Variants in R3HDM2 observed in about 807,000 individuals in gnomAD.
R3HDM2 encodes the protein R3H domain containing 2, also known as R3H domain-containing protein 2.
R3HDM2 carries 38 observed loss-of-function variants against 124.5 expected under a neutral mutation model. That is an observed-to-expected ratio of 0.31 (90% CI 0.24 to 0.40). The LOEUF is 0.40. Among genes scored for constraint, R3HDM2 ranks in the 10% least tolerant of loss-of-function variants. The pLI is 1.00. For synonymous variants in R3HDM2, 391 were observed against 448.0 expected (o/e 0.87, Z 1.61); for missense variants, 869 against 1,236.9 (o/e 0.70, Z 4.46).
intron 2 of R3HDM2, among the ~76,000 whole-genome samples, chr12:57,344,080 T>C (rs1726499315): frequency 6.6e-6 from 1 of 152,216 alleles, no homozygotes; most frequent in Non-Finnish European, 1.5e-5. Context: ...CATGCATATA[T>C]GTGCATATAA....
chr12:57,351,294 G>GAAAAAAGAGATGA (rs2060651146), intron 2 of R3HDM2, among the ~76,000 whole-genome samples: 1 of 152,006 alleles, frequency 6.6e-6, no homozygotes, highest in Non-Finnish European at 1.5e-5. Flanking sequence ...TCTAAAGAAT[G>GAAAAAAGAGATGA]AAAAAAGAGA....
chr12:57,318,706 CAAT>C (rs1337629400), intron 2 of R3HDM2, among the ~76,000 whole-genome samples: 4 of 151,734 alleles, frequency 2.6e-5, no homozygotes, highest in Admixed American at 6.6e-5. Context: ...GGGAGACAGG[CAAT>C]AATAATAATA....
At chr12:57,302,009 G>A (rs1344693758) in intron 4 of R3HDM2, among the ~76,000 whole-genome samples, 1 of 152,186 alleles carries the variant, frequency 6.6e-6, no homozygotes, top group South Asian at 2.1e-4. Context: ...AGCTGAGTGC[G>A]GTGGCTCATG....
At chr12:57,411,684 C>A (rs1566507676) in intron 1 of R3HDM2, among the ~76,000 whole-genome samples, 1 of 152,178 alleles carries the variant, frequency 6.6e-6, no homozygotes, top group Non-Finnish European at 1.5e-5. Flanking sequence ...TTTTGATATA[C>A]CAGATCCCAA....
In R3HDM2 at chr12:57,310,459, G is replaced by A; in HGVS notation, c.-31C>T. ...TCAATAGAATACAGTGGCCTCTATG[G>A]ACTCCTAAAGAAACATCAAATGCAT... is the stretch of plus-strand genomic sequence containing the variant. On this transcript the variant is annotated 5_prime_UTR_variant, in exon 3 of 24. Transcript: ENST00000402412. 6.9e-7 allele frequency: 1 copy of A among 1,457,434 alleles called. No individual in the cohort carries two copies. Among genetic ancestry groups the A allele is most frequent in the Non-Finnish European group, 9.1e-7 (1 of 1,102,680 alleles). The allele number at this position is 1,457,434 out of a possible 1,614,324, so 90.3% of individuals were successfully genotyped here.
chr12:57,313,400 A>T (rs994456938), intron 2 of R3HDM2, among the ~76,000 whole-genome samples: 2 of 151,574 alleles, frequency 1.3e-5, no homozygotes, highest in East Asian at 3.9e-4. Flanking sequence ...TCTCTACAAA[A>T]TTTTTTTTAA....
chr12:57,288,841 G>C, intron 12 of R3HDM2, 168 bp downstream of exon 12: 1 of 1,535,436 alleles, frequency 6.5e-7, no homozygotes. Context: ...GAGAGATATA[G>C]ATCACACAGA....
intron 2 of R3HDM2, chr12:57,341,527 AACAAGCCAATT>A (rs2059562671): frequency 8.7e-6 from 4 of 457,420 alleles, no homozygotes; most frequent in Non-Finnish European, 1.2e-5. Flanking sequence ...AGCAAATAAA[AACAAGCCAATT>A]ATAAGAAAAA....
intron 2 of R3HDM2, among the ~76,000 whole-genome samples, chr12:57,346,058 G>A (rs1405140505): frequency 2.0e-5 from 3 of 151,860 alleles, no homozygotes; most frequent in Non-Finnish European, 4.4e-5. Flanking sequence ...TACTCAGGAG[G>A]CTGAGGCAGA....
In R3HDM2 at chr12:57,427,073, A is replaced by T. The variant is rs56099423; in HGVS notation, c.-106+3647T>A. 4.5e-3 allele frequency among the ~76,000 whole-genome samples: 691 copies of T among 152,260 alleles called. 1 individual carries two copies. The highest frequency in any genetic ancestry group is 7.0e-3 in the Non-Finnish European group (478 of 68,022). On this transcript the variant is annotated intron_variant, in intron 1 of 23. Transcript: ENST00000402412. ...TTTGGGAGGCCGAGGCAGGAGGATCACCAGGTCAGGAGTTCAAGACCAGCC... is the reference window on the plus strand; with the variant it reads ...TTTGGGAGGCCGAGGCAGGAGGATCTCCAGGTCAGGAGTTCAAGACCAGCC...
chr12:57,371,474 T>C (rs112193976), intron 2 of R3HDM2, among the ~76,000 whole-genome samples: 6,983 of 152,174 alleles, frequency 0.046, 246 homozygotes, highest in Non-Finnish European at 0.076. Flanking sequence ...TCCAAGCCTA[T>C]AGTCTGTAGT....
At chr12:57,316,005 G>A (rs980501773) in intron 2 of R3HDM2, among the ~76,000 whole-genome samples, 2 of 152,196 alleles carry the variant, frequency 1.3e-5, no homozygotes, top group African/African-American at 2.4e-5. Context: ...TGTGGTCCTA[G>A]CTACTTAGTT....
At chr12:57,256,961 A>G (rs576680215) in intron 21 of R3HDM2, among the ~76,000 whole-genome samples, 1 of 152,092 alleles carries the variant, frequency 6.6e-6, no homozygotes, top group South Asian at 2.1e-4. Context: ...GATTACAAGC[A>G]TGTGCCACCA....
At chr12:57,373,380 G>A (rs1342704171) in intron 2 of R3HDM2, among the ~76,000 whole-genome samples, 1 of 151,856 alleles carries the variant, frequency 6.6e-6, no homozygotes, top group African/African-American at 2.4e-5. Context: ...GGCGCCTGTA[G>A]TACCAGCTAC....
In R3HDM2 at chr12:57,272,384, C is replaced by T. The variant is rs2043769087; in HGVS notation, c.1345-2390G>A. ...AACATGCTTACAAGGCCATCACAGA[C>T]TGACCCAGACATACCTACAGATACA... On this transcript the variant is annotated intron_variant, in intron 14 of 23. Transcript: ENST00000402412. 3 of 1,328,320 alleles carry T rather than the reference C, an allele frequency of 2.3e-6. No homozygotes were observed. The East Asian group carries it at 7.5e-5, about 33-fold the overall frequency. The allele number at this position is 1,328,320 out of a possible 1,614,324, so 82.3% of individuals were successfully genotyped here.
Position 57,274,957 on chromosome 12 carries a change from C to CA in R3HDM2, c.1345-4964dup, listed in dbSNP as rs201294754. Among the ~76,000 whole-genome samples, 395 of 148,658 alleles carry CA rather than the reference C, an allele frequency of 2.7e-3. 7 individuals carry two copies. The East Asian group carries it at 0.062, about 23-fold the overall frequency. ...ACCACCATCATTCTTCGCAGAATTA[C>CA]AAAAAAAAAATTCTAAAATTCATAT... is the stretch of plus-strand genomic sequence containing the variant. On this transcript the variant is annotated intron_variant, in intron 14 of 23. Coordinates refer to ENST00000402412, the MANE Select transcript of R3HDM2 (RefSeq NM_001394031.1).
At chr12:57,423,292 C>T (rs1389746271) in intron 1 of R3HDM2, among the ~76,000 whole-genome samples, 4 of 151,740 alleles carry the variant, frequency 2.6e-5, no homozygotes, top group Non-Finnish European at 2.9e-5. Context: ...GGCACGGTGG[C>T]GCACCCCTGT....
At chr12:57,342,094 T>G (rs2059623254) in intron 2 of R3HDM2, among the ~76,000 whole-genome samples, 1 of 152,164 alleles carries the variant, frequency 6.6e-6, no homozygotes, top group African/African-American at 2.4e-5. Flanking sequence ...GAAAAATATC[T>G]TTATAGCTTC....
chr12:57,327,175 C>T (rs2057415669), intron 2 of R3HDM2, among the ~76,000 whole-genome samples: 3 of 152,006 alleles, frequency 2.0e-5, no homozygotes, highest in Non-Finnish European at 1.5e-5. Flanking sequence ...TTAAGAAATA[C>T]ATTTTGTAGG....
Sources: gnomAD v4.1 joint callset for allele counts (sites outside exome capture counted in the v4.1 genomes callset) on GRCh38, gnomAD v4.1.1 for gene constraint, MANE v1.5 for transcripts, NCBI Gene and HGNC (gene_info 2026-07-23, HGNC 2026-07-21) for gene names.